USP24: variants seen among roughly 807,000 people sequenced by gnomAD.
USP24 encodes ubiquitin specific peptidase 24.
A neutral mutation model predicts 361.6 loss-of-function variants in USP24; 97 were observed. That is an observed-to-expected ratio of 0.27 (90% CI 0.23 to 0.32). The LOEUF is 0.32. Among genes scored for constraint, USP24 ranks in the 10% least tolerant of loss-of-function variants. The pLI, the probability that USP24 is intolerant of heterozygous loss-of-function variation, is 1.00. For missense variants in USP24, 2,353 were observed against 3,165.6 expected, an observed-to-expected ratio of 0.74 and a Z score of 6.16; for synonymous variants, 1,098 against 1,124.6, an observed-to-expected ratio of 0.98 and a Z score of 0.47.
At chr1:55,184,644 T>G (rs541856263) in intron 1 of USP24, among the ~76,000 whole-genome samples, 7 of 152,158 alleles carry the variant, frequency 4.6e-5, no homozygotes, top group Non-Finnish European at 8.8e-5. Context: ...TCTCCTCAAG[T>G]GCGCATGAAA....
Position 55,132,553 on chromosome 1 carries a change from T to C in USP24, c.3529A>G (p.Asn1177Asp), listed in dbSNP as rs1646622643. The C allele has an allele frequency of 6.2e-7, 1 of 1,612,572 alleles. No individual in the cohort carries two copies. The highest frequency in any genetic ancestry group is 2.2e-5 in the East Asian group (1 of 44,862). ...GAAATTAGGTTTCTTACTTCTAAGT[T>C]GTAGAGCACTCTGAAGGTAGACATT... The part of the protein sequence containing the change: ...PGMSTFRVLY[N>D]LEVLSSKLMP... The change falls in exon 31 of 68, where the codon AAC becomes GAC. Residue 1177 changes from asparagine (N) to aspartate (D), a missense_variant. Physicochemically the swap from Asn to Asp is conservative, Grantham distance 23. Transcript: ENST00000294383.
chr1:55,083,351 G>A lies in USP24; in HGVS notation c.6896C>T (p.Ala2299Val). The A allele has an allele frequency of 6.2e-7, 1 of 1,613,442 alleles. No homozygotes were observed. ...NTFVQKQGIR[A>V]GDLLLRHSAL... The stretch of plus-strand genomic sequence containing the variant: ...TGAATGCCTCAGAAGAAGATCTCCA[G>A]CCCTAATTCCTTGCTGTCACAAGAT... Residue 2299 changes from alanine (A) to valine (V), a missense_variant, in exon 58 of 68, where the codon GCT becomes GTT. Ala to Val is a moderately conservative substitution (Grantham distance 64). Transcript: ENST00000294383.
chr1:55,133,214 T>C (rs1022395880), intron 30 of USP24, among the ~76,000 whole-genome samples: 1 of 152,212 alleles, frequency 6.6e-6, no homozygotes, highest in Admixed American at 6.5e-5. Context: ...CATCAATTTA[T>C]TCTGAGAACA....
chr1:55,088,311 G>A (rs1241877009), intron 55 of USP24, among the ~76,000 whole-genome samples: 1 of 152,220 alleles, frequency 6.6e-6, no homozygotes, highest in Admixed American at 6.5e-5. Flanking sequence ...TGATCGCCTT[G>A]TGGGAAGAGA....
intron 5 of USP24, among the ~76,000 whole-genome samples, chr1:55,169,696 A>G (rs1649253964): frequency 6.6e-6 from 1 of 152,198 alleles, no homozygotes; most frequent in Admixed American, 6.6e-5. Context: ...GAGAAAAGAA[A>G]TATCATCTAG....
intron 10 of USP24, among the ~76,000 whole-genome samples, chr1:55,158,026 G>T (rs114913844): frequency 6.6e-6 from 1 of 152,146 alleles, no homozygotes; most frequent in Non-Finnish European, 1.5e-5. Flanking sequence ...GTCCCTCTCC[G>T]GTGATGGGAA....
At chr1:55,137,937 A>T (rs1484195548) in intron 26 of USP24, 33 bp from the exon 27 acceptor site, 1 of 1,539,816 alleles carries the variant, frequency 6.5e-7, no homozygotes, top group East Asian at 2.4e-5. Flanking sequence ...TTGTGAGAGA[A>T]TTCATTTATT....
chr1:55,119,516 G>A lies in USP24; in HGVS notation c.4508+1080C>T, dbSNP rs373648979. 2.4e-3 allele frequency among the ~76,000 whole-genome samples: 364 copies of A among 152,104 alleles called. 2 individuals carry two copies. Among genetic ancestry groups the A allele is most frequent in the African/African-American group, 8.2e-3 (339 of 41,476 alleles). ...TTGTGATGGTTGCATCACAATGTGT[G>A]CATACTTAATGTCGCGGAATTGTAT... is the stretch of plus-strand genomic sequence containing the variant. On this transcript the variant is annotated intron_variant, in intron 38 of 67. Transcript: ENST00000294383.
rs148497155 is a variant in USP24 at position 55,104,115 on chromosome 1, C to T, written c.4881-95G>A. 3.3e-4 allele frequency: 467 copies of T among 1,425,382 alleles called. 1 individual carries two copies. The highest frequency in any genetic ancestry group is 2.9e-3 in the Middle Eastern group (13 of 4,436). 88.3% of individuals were successfully genotyped at this position (1,425,382 alleles called of 1,614,324 possible). On this transcript the variant is annotated intron_variant, in intron 41 of 67. Transcript: ENST00000294383. ...AACAGTTGAAATGAAAGTAGAAGAG[C>T]TCCAATTCCTCAAACATACTTAAGT... is the stretch of plus-strand genomic sequence containing the variant.
chr1:55,146,860 G>A (rs932015153), intron 19 of USP24, 69 bp downstream of exon 19: 1 of 1,579,610 alleles, frequency 6.3e-7, no homozygotes, highest in African/African-American at 1.4e-5. Context: ...TAGAAGATGT[G>A]AGACACACAG....
chr1:55,074,844 A>G (rs940561265), intron 63 of USP24, among the ~76,000 whole-genome samples: 37 of 152,206 alleles, frequency 2.4e-4, no homozygotes, highest in Non-Finnish European at 2.9e-4. Context: ...CAACAGAAAA[A>G]GGCCCTAAAT....
intron 16 of USP24, among the ~76,000 whole-genome samples, chr1:55,153,575 A>G (rs531027649): frequency 1.8e-3 from 273 of 152,294 alleles, no homozygotes; most frequent in African/African-American, 6.0e-3. Context: ...AAAACTGTGC[A>G]TACTTTAGAT....
At chr1:55,099,677 C>T (rs895900846) in intron 45 of USP24, 94 bp downstream of exon 45, 41 of 827,972 alleles carry the variant, frequency 5.0e-5, no homozygotes, top group Middle Eastern at 2.2e-4. Context: ...ATTTCTGATT[C>T]GTCAGTTTCA....
intron 1 of USP24, among the ~76,000 whole-genome samples, chr1:55,196,550 A>G (rs1644424594): frequency 6.6e-6 from 1 of 152,156 alleles, no homozygotes; most frequent in South Asian, 2.1e-4. Flanking sequence ...CCTGTTAAGA[A>G]CAGTTTAATG....
Position 55,079,636 on chromosome 1 carries a change from G to T in USP24, c.7102C>A (p.Pro2368Thr). 6.5e-7 allele frequency: 1 copy of T among 1,540,776 alleles called. No individual in the cohort carries two copies. Among genetic ancestry groups the T allele is most frequent in the Non-Finnish European group, 8.7e-7 (1 of 1,155,512 alleles). Residue 2368 changes from proline (P) to threonine (T), a missense_variant, in exon 60 of 68, where the codon CCA becomes ACA. Pro to Thr is a conservative substitution (Grantham distance 38). Around this residue, in one of 8 missense-constraint regions of USP24, gnomAD observed 598 missense variants for 761.9 expected, o/e 0.78. Transcript: ENST00000294383. ...CTTGAGGGAGCAATGCTAATGGGTG[G>T]TCGTTGCTTAAATATGCCAGGAGCT... The part of the protein sequence containing the change: ...NVAPGIFKQR[P>T]PISIAPSSPL...
chr1:55,209,174 C>CTT (rs1644788923), intron 1 of USP24, among the ~76,000 whole-genome samples: 1 of 152,024 alleles, frequency 6.6e-6, no homozygotes, highest in Non-Finnish European at 1.5e-5. Context: ...CTTAGTCGTA[C>CTT]CTCTGCAATC....
intron 42 of USP24, among the ~76,000 whole-genome samples, chr1:55,101,994 A>T (rs1337109552): frequency 1.3e-5 from 2 of 152,206 alleles, no homozygotes; most frequent in Non-Finnish European, 2.9e-5. Context: ...TATTGATTAA[A>T]TACCCTTCTA....
At chr1:55,197,541 C>A (rs1644452644) in intron 1 of USP24, among the ~76,000 whole-genome samples, 1 of 152,172 alleles carries the variant, frequency 6.6e-6, no homozygotes, top group Non-Finnish European at 1.5e-5. Flanking sequence ...TATGTGTGTT[C>A]AGGCACAAAA....
chr1:55,073,713 C>T, intron 64 of USP24, 115 bp downstream of exon 64: 1 of 968,624 alleles, frequency 1.0e-6, no homozygotes, highest in Non-Finnish European at 1.6e-6. Flanking sequence ...AGCAAGCAGG[C>T]CCTGACTGAG....
Sources: gnomAD v4.1 joint callset for allele counts (sites outside exome capture counted in the v4.1 genomes callset) on GRCh38, gnomAD v4.1.1 for gene constraint, gnomAD v4.1.1 regional missense constraint, MANE v1.5 for transcripts, NCBI Gene and HGNC (gene_info 2026-07-23, HGNC 2026-07-21) for gene names.